ATP6V0A1: variants seen among roughly 807,000 people sequenced by gnomAD.
ATP6V0A1 encodes V-type proton ATPase 116 kDa subunit a 1.
A neutral mutation model predicts 105.4 loss-of-function variants in ATP6V0A1; 43 were observed. That is an observed-to-expected ratio of 0.41 (90% confidence interval 0.32 to 0.53). The LOEUF is 0.53. Ranked by LOEUF, ATP6V0A1 falls within the 20% of genes least tolerant of loss-of-function variation. ATP6V0A1 has a pLI of 0.30. For missense variants in ATP6V0A1, 676 were observed against 1,051.1 expected (o/e 0.64, Z 4.93); for synonymous variants, 362 against 372.8 (o/e 0.97, Z 0.33).
rs1173431469 is a variant in ATP6V0A1 at position 42,490,571 on chromosome 17, T to C, written c.1108T>C (p.Phe370Leu). The C allele has an allele frequency of 6.2e-7, 1 of 1,613,728 alleles. No individual in the cohort carries two copies. Among genetic ancestry groups the C allele is most frequent in the Admixed American group, 1.7e-5 (1 of 59,952 alleles). The change falls in exon 11 of 22, where the codon TTT becomes CTT. Residue 370 changes from phenylalanine (F) to leucine (L), a missense_variant. Physicochemically the swap from Phe to Leu is conservative, Grantham distance 22. Transcript: ENST00000343619. ...CCCAACCTATAACAAAACCAACAAG[T>C]TTACCTATGGCTTTCAGAACATAGT... The part of the protein sequence containing the change: ...TPPTYNKTNK[F>L]TYGFQNIVDA...
chr17:42,460,806 C>A, intron 1 of ATP6V0A1, 42 bp from the exon 2 acceptor site: 1 of 1,049,146 alleles, frequency 9.5e-7, no homozygotes, highest in Non-Finnish European at 1.5e-6. Flanking sequence ...TCTTAGCCCT[C>A]GTGGTAATTT....
At chr17:42,482,633 A>G (rs1041258937) in intron 8 of ATP6V0A1, among the ~76,000 whole-genome samples, 3 of 151,214 alleles carry the variant, frequency 2.0e-5, no homozygotes, top group Admixed American at 2.0e-4. Context: ...ATGATGGCTC[A>G]TGCCTGTAAT....
chr17:42,491,218 C>T (rs2090592694), intron 11 of ATP6V0A1, among the ~76,000 whole-genome samples: 1 of 151,850 alleles, frequency 6.6e-6, no homozygotes, highest in Non-Finnish European at 1.5e-5. Context: ...CCTTTTTGTT[C>T]ATTGTTTCTT....
chr17:42,477,458 T>C (rs961374503), intron 5 of ATP6V0A1, among the ~76,000 whole-genome samples: 4 of 152,254 alleles, frequency 2.6e-5, no homozygotes, highest in African/African-American at 9.6e-5. Flanking sequence ...ATGCTTTCTT[T>C]ACCTCAAATT....
chr17:42,476,565 G>A (rs888578568), intron 5 of ATP6V0A1, among the ~76,000 whole-genome samples: 5 of 152,146 alleles, frequency 3.3e-5, no homozygotes, highest in Non-Finnish European at 7.4e-5. Context: ...ATGAGGCAAT[G>A]GAGAAGTTGA....
Position 42,478,569 on chromosome 17 carries a change from C to T in ATP6V0A1, c.613C>T (p.Pro205Ser). 1 of 1,591,062 alleles carries T rather than the reference C, an allele frequency of 6.3e-7. No individual in the cohort carries two copies. The highest frequency in any genetic ancestry group is 8.6e-7 in the Non-Finnish European group (1 of 1,165,944). Reference protein sequence around the residue: ...VFLRQAEIENPLEDPVTGDYV... With the variant: ...VFLRQAEIENSLEDPVTGDYV... ...CCTGCGACAGGCTGAAATCGAGAAC[C>T]CCCTGGAGGATCCTGTGACTGTAAG... The change falls in exon 7 of 22, where the codon CCC becomes TCC. Residue 205 changes from proline to serine, a missense_variant. Pro to Ser is a moderately conservative substitution (Grantham distance 74, BLOSUM62 -1). Transcript: ENST00000343619.
intron 19 of ATP6V0A1, chr17:42,509,916 G>T (rs1465410212): frequency 6.6e-6 from 1 of 151,636 alleles, no homozygotes; most frequent in Non-Finnish European, 1.5e-5. Context: ...CACATATACA[G>T]TCTGGTTCTC....
chr17:42,498,642 C>T (rs1013706920), intron 14 of ATP6V0A1, among the ~76,000 whole-genome samples: 3 of 151,968 alleles, frequency 2.0e-5, no homozygotes, highest in Admixed American at 6.6e-5. Context: ...CTGGCTAACA[C>T]GGTGAAACCC....
rs748062218 is a variant in ATP6V0A1, at chr17:42,468,047, G to T, written c.234G>T (p.Pro78=). ...AAGAGATAAGAAAAGCTAACATTCC[G>T]ATTATGGACACCGGTGAAAACCCAG... ...VEKEIRKANI[P]IMDTGENPEV... Residue 78 remains proline (P), a synonymous_variant, in exon 4 of 22, where the codon CCG becomes CCT. Transcript: ENST00000343619. The T allele has an allele frequency of 6.2e-7, 1 of 1,605,192 alleles. No individual in the cohort carries two copies. Among genetic ancestry groups the T allele is most frequent in the African/African-American group, 1.3e-5 (1 of 74,568 alleles).
chr17:42,459,475 G>A (rs975302121), intron 1 of ATP6V0A1, among the ~76,000 whole-genome samples: 2 of 152,184 alleles, frequency 1.3e-5, no homozygotes, highest in Admixed American at 6.5e-5. Flanking sequence ...TTTTGTGATC[G>A]TCCAGAACTA....
chr17:42,501,412 T>C, intron 17 of ATP6V0A1, 108 bp downstream of exon 17: 2 of 841,740 alleles, frequency 2.4e-6, no homozygotes, highest in East Asian at 2.8e-5. Context: ...ATATTCTTTT[T>C]CTTTTTCTTT....
intron 12 of ATP6V0A1, 82 bp downstream of exon 12, chr17:42,494,555 C>A: frequency 6.9e-7 from 1 of 1,458,846 alleles, no homozygotes; most frequent in Non-Finnish European, 9.3e-7. Context: ...ATCTGGAAGT[C>A]TTTTATCCAT....
chr17:42,479,829 A>T (rs2089268359), intron 7 of ATP6V0A1, among the ~76,000 whole-genome samples: 1 of 152,254 alleles, frequency 6.6e-6, no homozygotes, highest in African/African-American at 2.4e-5. Context: ...AGGAATATTC[A>T]GTCAAGTTTC....
At chr17:42,498,289 A>G (rs1448688688) in intron 14 of ATP6V0A1, among the ~76,000 whole-genome samples, 1 of 152,166 alleles carries the variant, frequency 6.6e-6, no homozygotes, top group Non-Finnish European at 1.5e-5. Flanking sequence ...ATCCACACTG[A>G]AATATTTACA....
At chr17:42,496,155 T>C (rs1047397704) in intron 14 of ATP6V0A1, 3 of 164,200 alleles carry the variant, frequency 1.8e-5, no homozygotes, top group African/African-American at 7.2e-5. Flanking sequence ...CCTTGATGTA[T>C]GTATTCAGAG....
chr17:42,488,950 G>C (rs1330677787), intron 10 of ATP6V0A1, among the ~76,000 whole-genome samples: 3 of 150,124 alleles, frequency 2.0e-5, no homozygotes, highest in African/African-American at 7.3e-5. Context: ...AGGAGGCAGA[G>C]GTTGCAGTGA....
chr17:42,499,960 G>A (rs2091527654), intron 15 of ATP6V0A1, among the ~76,000 whole-genome samples: 1 of 151,622 alleles, frequency 6.6e-6, no homozygotes, highest in Non-Finnish European at 1.5e-5. Flanking sequence ...TGTGGACTGG[G>A]TGTGGGGGCT....
At chr17:42,507,748 C>A in intron 18 of ATP6V0A1, 121 bp downstream of exon 18, 2 of 868,898 alleles carry the variant, frequency 2.3e-6, no homozygotes, top group Non-Finnish European at 3.7e-6. Flanking sequence ...TAATATTCAG[C>A]CTGCCTTCTG....
intron 19 of ATP6V0A1, 101 bp downstream of exon 19, chr17:42,508,690 A>G (rs1319661505): frequency 3.3e-6 from 5 of 1,508,288 alleles, no homozygotes; most frequent in Middle Eastern, 1.7e-4. Flanking sequence ...GGCCATACAC[A>G]TGACTCCTGT....
Sources: gnomAD v4.1 joint callset for allele counts (sites outside exome capture counted in the v4.1 genomes callset) on GRCh38, gnomAD v4.1.1 for gene constraint, MANE v1.5 for transcripts, NCBI Gene and HGNC (gene_info 2026-07-23, HGNC 2026-07-21) for gene names.